Variants in WDR70 observed in about 807,000 individuals in gnomAD.
The protein encoded by WDR70 is WD repeat domain 70.
Under a neutral mutation model 88.6 loss-of-function variants are expected in WDR70, and 53 were observed. The observed-to-expected ratio is 0.60, with a 90% CI of 0.48 to 0.75. The LOEUF is 0.75. WDR70 is among the 30% of genes least tolerant of loss of function. The pLI is 0.00. For missense variants in WDR70, 610 were observed against 823.2 expected (o/e 0.74, Z 3.17); for synonymous variants, 280 against 270.0 (o/e 1.04, Z -0.36).
intron 5 of WDR70, among the ~76,000 whole-genome samples, chr5:37,415,739 TC>T (rs1749713520): frequency 6.8e-6 from 1 of 147,788 alleles, no homozygotes; most frequent in South Asian, 2.2e-4. Flanking sequence ...GTGGAGGGGC[TC>T]CTCACTTCTC....
intron 10 of WDR70, among the ~76,000 whole-genome samples, chr5:37,689,782 T>C (rs900776359): frequency 6.6e-6 from 1 of 152,222 alleles, no homozygotes; most frequent in Non-Finnish European, 1.5e-5. Flanking sequence ...CTGAAAATTC[T>C]AAAAACCAGA....
At chr5:37,690,706 G>A (rs953162165) in intron 10 of WDR70, among the ~76,000 whole-genome samples, 12 of 152,160 alleles carry the variant, frequency 7.9e-5, no homozygotes, top group Non-Finnish European at 1.5e-4. Context: ...CCTCCTGAAG[G>A]AAGTACTAAA....
chr5:37,468,137 C>T (rs1373244826), intron 7 of WDR70, among the ~76,000 whole-genome samples: 5 of 152,240 alleles, frequency 3.3e-5, no homozygotes, highest in Admixed American at 3.3e-4. Flanking sequence ...GCATGAGCCA[C>T]TGCGCCCGGC....
At chr5:37,484,116 G>A (rs1173109921) in intron 8 of WDR70, among the ~76,000 whole-genome samples, 24 of 152,122 alleles carry the variant, frequency 1.6e-4, no homozygotes, top group African/African-American at 5.1e-4. Flanking sequence ...GACGATGGGC[G>A]GCCAGGCAGA....
intron 7 of WDR70, among the ~76,000 whole-genome samples, chr5:37,462,213 A>G (rs558849364): frequency 2.0e-5 from 3 of 152,100 alleles, no homozygotes; most frequent in South Asian, 2.1e-4. Context: ...TCTTATTTAT[A>G]TTCTTTTTTT....
At chr5:37,706,113 A>G (rs949172091) in intron 13 of WDR70, among the ~76,000 whole-genome samples, 1 of 152,210 alleles carries the variant, frequency 6.6e-6, no homozygotes, top group African/African-American at 2.4e-5. Flanking sequence ...GGCATTTTCT[A>G]TAATTATTTT....
intron 8 of WDR70, among the ~76,000 whole-genome samples, chr5:37,513,080 C>T (rs1410059785): frequency 6.6e-6 from 1 of 152,018 alleles, no homozygotes; most frequent in Non-Finnish European, 1.5e-5. Context: ...TTGATTTGTT[C>T]CTGTTTATAT....
Position 37,411,927 on chromosome 5 carries a change from T to C in WDR70, c.492+15357T>C, listed in dbSNP as rs182768417. On this transcript the variant is annotated intron_variant, in intron 5 of 17. Transcript: ENST00000265107. ...TATATTAAAAATATTAATTATATTA[T>C]AATTTCTTTTTGATAAACTTTTTTT... Among the ~76,000 whole-genome samples, 192 of 152,076 alleles carry C rather than the reference T, an allele frequency of 1.3e-3. 1 individual carries two copies. Among genetic ancestry groups the C allele is most frequent in the African/African-American group, 4.5e-3 (186 of 41,536 alleles).
At chr5:37,622,588 G>A (rs1419162956) in intron 10 of WDR70, among the ~76,000 whole-genome samples, 2 of 152,180 alleles carry the variant, frequency 1.3e-5, no homozygotes, top group Non-Finnish European at 2.9e-5. Context: ...CATGTCCTTT[G>A]TAGGGACATG....
At chr5:37,477,333 C>T (rs1483829741) in intron 7 of WDR70, among the ~76,000 whole-genome samples, 1 of 152,190 alleles carries the variant, frequency 6.6e-6, no homozygotes, top group Non-Finnish European at 1.5e-5. Flanking sequence ...TAGCTACTCA[C>T]TTATTTCTTG....
At chr5:37,708,749 A>T (rs1207330219) in intron 13 of WDR70, among the ~76,000 whole-genome samples, 1 of 152,204 alleles carries the variant, frequency 6.6e-6, no homozygotes, top group Non-Finnish European at 1.5e-5. Context: ...GGGAAGCAGA[A>T]AGGTAATTCA....
At position 37,425,454 on chromosome 5, in the gene WDR70, A is replaced by C. The variant is rs1260929936; in HGVS notation, c.493-12468A>C. On this transcript the variant is annotated intron_variant, in intron 5 of 17. Coordinates refer to ENST00000265107, the MANE Select transcript of WDR70 (RefSeq NM_018034.4). ...AGAGATTAGGAAGTTGACCATGTAG[A>C]TATCTGGGAGAATGGTGCAGGCATA... is the stretch of plus-strand genomic sequence containing the variant. 4.6e-5 allele frequency among the ~76,000 whole-genome samples: 7 copies of C among 152,278 alleles called. No homozygotes were observed. In the South Asian group the frequency reaches 6.2e-4, roughly 14 times the overall value.
chr5:37,598,480 T>C (rs1267581015), intron 9 of WDR70, among the ~76,000 whole-genome samples: 1 of 152,224 alleles, frequency 6.6e-6, no homozygotes, highest in Non-Finnish European at 1.5e-5. Context: ...TTTTCTGCTC[T>C]TCTTCATAGA....
chr5:37,652,577 G>A (rs768233292), intron 10 of WDR70, among the ~76,000 whole-genome samples: 8 of 152,180 alleles, frequency 5.3e-5, no homozygotes, highest in African/African-American at 9.7e-5. Context: ...CATGAGCATG[G>A]AATCCTTTTC....
At chr5:37,502,813 G>A (rs1303291702) in intron 8 of WDR70, among the ~76,000 whole-genome samples, 1 of 152,170 alleles carries the variant, frequency 6.6e-6, no homozygotes, top group Non-Finnish European at 1.5e-5. Flanking sequence ...AAGCGAGAGA[G>A]AGAGTGAGCG....
At chr5:37,573,184 T>G (rs1388717602) in intron 9 of WDR70, among the ~76,000 whole-genome samples, 2 of 152,200 alleles carry the variant, frequency 1.3e-5, no homozygotes, top group East Asian at 3.8e-4. Flanking sequence ...GTAATTTTTT[T>G]CTTCTGCTTT....
chr5:37,442,033 ATTTTT>A (rs545329551), intron 6 of WDR70, among the ~76,000 whole-genome samples: 64 of 116,520 alleles, frequency 5.5e-4, no homozygotes, highest in Middle Eastern at 4.4e-3. Context: ...AGGGAAAGCA[ATTTTT>A]TTTTTTTTTT....
chr5:37,655,693 C>T (rs1302894651), intron 10 of WDR70, among the ~76,000 whole-genome samples: 1 of 151,676 alleles, frequency 6.6e-6, no homozygotes, highest in Non-Finnish European at 1.5e-5. Context: ...AGTTGATTTT[C>T]AATCTCTGAT....
intron 7 of WDR70, among the ~76,000 whole-genome samples, chr5:37,475,658 AAATT>A (rs1426902565): frequency 4.6e-5 from 7 of 152,180 alleles, no homozygotes; most frequent in African/African-American, 1.7e-4. Flanking sequence ...CCATATAAAT[AAATT>A]GTCTTTTTTA....
Sources: allele counts gnomAD v4.1 joint callset (sites outside exome capture counted in the v4.1 genomes callset), GRCh38; gene constraint gnomAD v4.1.1; transcripts MANE v1.5; gene names NCBI Gene and HGNC (gene_info 2026-07-23, HGNC 2026-07-21).